Variants in PXK observed in about 807,000 individuals in gnomAD.
PXK encodes PX domain containing serine/threonine kinase like.
In PXK, 35 loss-of-function variants were observed where a neutral mutation model predicts 84.7. That is an observed-to-expected ratio of 0.41 (90% CI 0.32 to 0.55). The LOEUF is 0.55. Ranked by LOEUF, PXK falls within the 20% of genes least tolerant of loss-of-function variation. PXK has a pLI of 0.21. For missense variants in PXK, 634 were observed against 699.7 expected (o/e 0.91, Z 1.06); for synonymous variants, 253 against 260.8 (o/e 0.97, Z 0.29).
intron 1 of PXK, among the ~76,000 whole-genome samples, chr3:58,354,198 G>T (rs2098012182): frequency 6.6e-6 from 1 of 152,086 alleles, no homozygotes; most frequent in South Asian, 2.1e-4. Context: ...TCCTTTAAAC[G>T]GCATTGGCAG....
chr3:58,397,569 T>C lies in PXK; in HGVS notation c.985-36T>C. On this transcript the variant is annotated intron_variant, in intron 10 of 17. Coordinates refer to ENST00000356151, the MANE Select transcript of PXK (RefSeq NM_017771.5). This position sits in a 1 kb window ranked among gnomAD's most constrained non-coding sequence, Gnocchi z 4.7. Reference sequence around the variant, plus strand: ...AGCGCGAGGGTCCACAAAGCCAAAGTGAAGGGTGAACACGCTGCTACTCTT... The same window carrying C: ...AGCGCGAGGGTCCACAAAGCCAAAGCGAAGGGTGAACACGCTGCTACTCTT... The C allele has an allele frequency of 6.4e-7, 1 of 1,561,526 alleles. No homozygotes were observed. The highest frequency in any genetic ancestry group is 8.8e-7 in the Non-Finnish European group (1 of 1,132,246).
chr3:58,345,741 T>C (rs2097803177), intron 1 of PXK, among the ~76,000 whole-genome samples: 1 of 152,216 alleles, frequency 6.6e-6, no homozygotes, highest in African/African-American at 2.4e-5. Context: ...ATTTGGAAGC[T>C]CCTACTCTAT....
intron 2 of PXK, among the ~76,000 whole-genome samples, chr3:58,367,345 C>T (rs561296549): frequency 2.0e-4 from 30 of 151,968 alleles, no homozygotes; most frequent in Middle Eastern, 3.4e-3. Flanking sequence ...CCTGGGTTCA[C>T]GCCATTCTCC....
At chr3:58,403,956 G>T in intron 13 of PXK, 46 bp downstream of exon 13, 2 of 1,302,590 alleles carry the variant, frequency 1.5e-6, no homozygotes, top group South Asian at 3.9e-5. Flanking sequence ...TAACTAAGTT[G>T]ACTTTGAAAG....
chr3:58,366,180 G>C (rs1434462892), intron 2 of PXK, among the ~76,000 whole-genome samples: 1 of 152,044 alleles, frequency 6.6e-6, no homozygotes, highest in Non-Finnish European at 1.5e-5. Context: ...GCTCAACCCA[G>C]GGCAAATAGT....
intron 3 of PXK, among the ~76,000 whole-genome samples, chr3:58,376,190 G>A (rs1194237526): frequency 6.6e-6 from 1 of 152,140 alleles, no homozygotes; most frequent in Non-Finnish European, 1.5e-5. Flanking sequence ...TGAGGTGGGT[G>A]AATCACTTGA....
intron 1 of PXK, among the ~76,000 whole-genome samples, chr3:58,334,933 GTGTGTGTGTGTGTGTGTGTGTGTGTC>G (rs1200147413): frequency 2.1e-5 from 2 of 93,628 alleles, no homozygotes; most frequent in African/African-American, 5.4e-5. Context: ...GTAAGGGTGT[GTGTGTGTGTGTGTGTGTGTGTGTGTC>G]TGTGTGTGTG....
intron 2 of PXK, among the ~76,000 whole-genome samples, chr3:58,366,798 T>C (rs1394554667): frequency 6.6e-6 from 1 of 152,252 alleles, no homozygotes; most frequent in Non-Finnish European, 1.5e-5. Context: ...AAATGTCCTA[T>C]GTGGTAGTAT....
At position 58,390,201 on chromosome 3, in the gene PXK, CAAA is replaced by C. The variant is rs1464769639; in HGVS notation, c.389-379_389-377del. Among the ~76,000 whole-genome samples, 1 of 151,768 alleles carries C rather than the reference CAAA, an allele frequency of 6.6e-6. No homozygotes were observed. The highest frequency in any genetic ancestry group is 1.5e-5 in the Non-Finnish European group (1 of 67,960). On this transcript the variant is annotated intron_variant, in intron 4 of 17. Coordinates refer to ENST00000356151, the MANE Select transcript of PXK (RefSeq NM_017771.5). This position sits in a 1 kb window ranked among gnomAD's most constrained non-coding sequence, Gnocchi z 4.2. ...TCAAAAAACAAAAAACAAAACTAAA[CAAA>C]AGAAGTTGCAATGATAGTACAGAAA... is the stretch of plus-strand genomic sequence containing the variant.
At chr3:58,413,671 A>G (rs147597340) in intron 17 of PXK, 15 of 152,334 alleles carry the variant, frequency 9.8e-5, no homozygotes, top group Middle Eastern at 3.4e-3. Flanking sequence ...AATAAAAACA[A>G]TTGGGACACC....
rs115043056 is a variant in PXK at position 58,374,175 on chromosome 3, T to C, written c.201+4697T>C. On this transcript the variant is annotated intron_variant, in intron 3 of 17. Coordinates refer to ENST00000356151, the MANE Select transcript of PXK (RefSeq NM_017771.5). ...TCCCTGCTTTCCATTTTCTTTCTTTTTTTTTTTTTGTTTTGAGACAGTCTC... is the reference window on the plus strand; with the variant it reads ...TCCCTGCTTTCCATTTTCTTTCTTTCTTTTTTTTTGTTTTGAGACAGTCTC... Among the ~76,000 whole-genome samples the C allele has an allele frequency of 8.4e-3, 1,252 of 148,828 alleles. 21 individuals carry two copies. The highest frequency in any genetic ancestry group is 0.03 in the African/African-American group (1,198 of 40,396).
rs554024340 is a variant in PXK at position 58,409,832 on chromosome 3, T to C, written c.1395+214T>C. Among the ~76,000 whole-genome samples the C allele has an allele frequency of 6.6e-6, 1 of 152,332 alleles. No homozygotes were observed. The highest frequency in any genetic ancestry group is 6.5e-5 in the Admixed American group (1 of 15,300). ...AAATAGCCCATGTAGTTTCCTAGCT[T>C]GCTGGGCAGATTATGGCGTAATGTA... On this transcript the variant is annotated intron_variant, in intron 15 of 17. Transcript: ENST00000356151. This position sits in a 1 kb window ranked among gnomAD's most constrained non-coding sequence, Gnocchi z 4.2.
At chr3:58,420,874 G>A (rs1009578146) in intron 17 of PXK, 1 of 1,189,402 alleles carries the variant, frequency 8.4e-7, no homozygotes, top group Non-Finnish European at 1.0e-6. Context: ...TTTAATTTTG[G>A]AAACCATAAC....
intron 2 of PXK, among the ~76,000 whole-genome samples, 186 bp downstream of exon 2, chr3:58,366,110 T>C (rs971786965): frequency 6.6e-6 from 1 of 152,142 alleles, no homozygotes; most frequent in African/African-American, 2.4e-5. Flanking sequence ...TCCCCAGTTG[T>C]TTGGTTAAAT....
At chr3:58,373,830 G>C (rs372006421) in intron 3 of PXK, among the ~76,000 whole-genome samples, 1 of 152,098 alleles carries the variant, frequency 6.6e-6, no homozygotes, top group African/African-American at 2.4e-5. Context: ...TGGATCACGA[G>C]GTCAGGAGAT....
At position 58,416,694 on chromosome 3, in the gene PXK, C is replaced by T. The variant is rs182482318; in HGVS notation, c.1528+3731C>T. ...GGAATACAGTCGTGAGATCTCGGCT[C>T]ACTGCAACTTCCGCCTCCTGGGTTC... On this transcript the variant is annotated intron_variant, in intron 17 of 17. Coordinates refer to ENST00000356151, the MANE Select transcript of PXK (RefSeq NM_017771.5). The surrounding 1 kb of genome is among the most constrained non-coding windows in gnomAD (Gnocchi z 4.8). Among the ~76,000 whole-genome samples the T allele has an allele frequency of 4.2e-4, 62 of 148,218 alleles. No individual in the cohort carries two copies. The highest frequency in any genetic ancestry group is 1.4e-3 in the African/African-American group (58 of 40,146).
Position 58,391,195 on chromosome 3 carries a change from C to T in PXK, c.515C>T (p.Pro172Leu), listed in dbSNP as rs777193777. The part of the protein sequence containing the change: ...KYFLMKIKNQ[P>L]KERLVLSWAD... ...TTCTTGATGAAGATTAAAAATCAGC[C>T]AAAGGAACGGCTAGTGTTAAGCTGG... Residue 172 changes from proline to leucine, a missense_variant, in exon 6 of 18, where the codon CCA becomes CTA. Around this residue, in one of 3 missense-constraint regions of PXK, gnomAD observed 353 missense variants for 385.2 expected, o/e 0.92. Transcript: ENST00000356151. 2.5e-6 allele frequency: 4 copies of T among 1,613,532 alleles called. No homozygotes were observed. In the Middle Eastern group the frequency reaches 4.9e-4, roughly 199 times the overall value.
At chr3:58,415,260 G>A (rs997793608) in intron 17 of PXK, among the ~76,000 whole-genome samples, 5 of 152,124 alleles carry the variant, frequency 3.3e-5, no homozygotes, top group East Asian at 1.9e-4. Context: ...TGGAGATAGC[G>A]TCAGACCCCA....
chr3:58,340,243 C>G (rs2097706768), intron 1 of PXK, among the ~76,000 whole-genome samples: 1 of 151,780 alleles, frequency 6.6e-6, no homozygotes, highest in Non-Finnish European at 1.5e-5. Context: ...CTGCCTCAGC[C>G]TCCTGAGTAG....
Sources: allele counts gnomAD v4.1 joint callset (sites outside exome capture counted in the v4.1 genomes callset), GRCh38; gene constraint gnomAD v4.1.1; regional missense constraint gnomAD v4.1.1; non-coding constraint Gnocchi (gnomAD v3.1); transcripts MANE v1.5; gene names NCBI Gene and HGNC (gene_info 2026-07-23, HGNC 2026-07-21).